Variants in VPS13A observed in about 807,000 individuals in gnomAD.
The protein encoded by VPS13A is vacuolar protein sorting 13 homolog A, also known as intermembrane lipid transfer protein VPS13A.
Under a neutral mutation model 390.9 loss-of-function variants are expected in VPS13A, and 264 were observed. The ratio of observed to expected loss-of-function variants is 0.68; its 90% CI spans 0.61 to 0.75. VPS13A has a LOEUF of 0.75. VPS13A is among the 30% of genes least tolerant of loss of function. The probability of loss-of-function intolerance (pLI) is 0.00; values close to 1 mark genes in which losing one functional copy is unlikely to be tolerated. For missense variants in VPS13A, 3,409 were observed against 3,733.9 expected (o/e 0.91, Z 2.27); for synonymous variants, 1,231 against 1,227.1 (o/e 1.00, Z -0.07).
Position 77,282,231 on chromosome 9 carries a change from C to T in VPS13A, c.3075C>T (p.Ser1025=), listed in dbSNP as rs916979346. The change falls in exon 29 of 72, where the codon TCC becomes TCT. Residue 1025 remains serine, a synonymous_variant. Transcript: ENST00000360280. ...PQSEEKSAPV[S]TTETEDKGDV... is the part of the protein sequence containing the mutation. The stretch of plus-strand genomic sequence containing the variant: ...CAGAGGAAAAATCAGCCCCAGTGTC[C>T]ACTACAGAGACTGAAGACAAAGGAG... 1.2e-5 allele frequency: 20 copies of T among 1,613,310 alleles called. No individual in the cohort carries two copies. The highest frequency in any genetic ancestry group is 2.2e-5 in the South Asian group (2 of 91,056).
chr9:77,214,467 C>T, intron 10 of VPS13A, 81 bp downstream of exon 10: 1 of 1,137,974 alleles, frequency 8.8e-7, no homozygotes, highest in Non-Finnish European at 1.3e-6. Context: ...TATCACTGTG[C>T]TAGTTCCTGT....
intron 2 of VPS13A, among the ~76,000 whole-genome samples, chr9:77,200,252 CA>C (rs1825248595): frequency 6.6e-6 from 1 of 151,908 alleles, no homozygotes; most frequent in South Asian, 2.1e-4. Context: ...TTTGGGAGGT[CA>C]AGGCAGGTGG....
At chr9:77,283,511 A>G (rs1164856428) in intron 30 of VPS13A, 36 bp from the exon 31 acceptor site, 3 of 1,607,970 alleles carry the variant, frequency 1.9e-6, no homozygotes, top group East Asian at 2.2e-5. Flanking sequence ...AAGACATTAA[A>G]TGAAAGAAAA....
Position 77,295,598 on chromosome 9 carries a change from G to T in VPS13A, c.3564G>T (p.Gln1188His), listed in dbSNP as rs745719801. Residue 1188 changes from glutamine (Q) to histidine (H), a missense_variant, in exon 33 of 72, where the codon CAG becomes CAT. Transcript: ENST00000360280. ...AAGCCTTGGCTGAGGCAACTGTTCA[G>T]GCAGCTGGAATGGCTGCTACTGGTG... The part of the protein sequence containing the change: ...AKQALAEATV[Q>H]AAGMAATGVK... 4.3e-6 allele frequency: 7 copies of T among 1,613,480 alleles called. No individual in the cohort carries two copies. The East Asian group carries it at 1.6e-4, about 36-fold the overall frequency.
intron 29 of VPS13A, 65 bp from the exon 30 acceptor site, chr9:77,283,290 A>C (rs1331919451): frequency 1.1e-6 from 1 of 906,494 alleles, no homozygotes; most frequent in Admixed American, 2.0e-5. Flanking sequence ...GTTACTTTAT[A>C]AGTATAGTGA....
rs1238483912 is a variant in VPS13A, at chr9:77,283,362, A to G, written c.3126A>G (p.Lys1042=). Residue 1042 remains lysine (K), a synonymous_variant, in exon 30 of 72, where the codon AAA becomes AAG. Transcript: ENST00000360280. The part of the protein sequence containing the change: ...KGDVIKKLAL[K]LSTNEDIITL... ...ATGAATTTTTTTTTGCAGCTTTAAA[A>G]CTATCCACAAATGAAGATATCATTA... 1.3e-6 allele frequency: 2 copies of G among 1,588,454 alleles called. No individual in the cohort carries two copies. Among genetic ancestry groups the G allele is most frequent in the Non-Finnish European group, 1.7e-6 (2 of 1,158,654 alleles).
chr9:77,411,765 G>GAAAT (rs964900391), intron 71 of VPS13A, among the ~76,000 whole-genome samples: 20 of 150,578 alleles, frequency 1.3e-4, no homozygotes, highest in African/African-American at 4.7e-4. Flanking sequence ...AGAACTGAAG[G>GAAAT]AAATAGACAC....
intron 67 of VPS13A, among the ~76,000 whole-genome samples, chr9:77,375,660 A>G (rs1419728135): frequency 1.3e-5 from 2 of 152,242 alleles, no homozygotes; most frequent in East Asian, 3.8e-4. Flanking sequence ...TCAAATGTAC[A>G]ACAAAGGTGG....
rs114314744 is a variant in VPS13A, at chr9:77,294,911, G to A, written c.3508-631G>A. On this transcript the variant is annotated intron_variant, in intron 32 of 71. Transcript: ENST00000360280. ...TTTTAAGACACGATCTCGCTGTATTGCCCAAACTGGTCTAGAACTACTGGC... is the reference window on the plus strand; with the variant it reads ...TTTTAAGACACGATCTCGCTGTATTACCCAAACTGGTCTAGAACTACTGGC... Among the ~76,000 whole-genome samples the A allele has an allele frequency of 5.8e-3, 878 of 151,688 alleles. 13 individuals are homozygous for A. Among genetic ancestry groups the A allele is most frequent in the African/African-American group, 0.02 (847 of 41,372 alleles).
chr9:77,201,021 T>C (rs1825303905), intron 2 of VPS13A, among the ~76,000 whole-genome samples: 1 of 152,080 alleles, frequency 6.6e-6, no homozygotes. Context: ...CAAAATAGAG[T>C]TTTAATCTCC....
chr9:77,396,566 A>G (rs1834127434), intron 68 of VPS13A, among the ~76,000 whole-genome samples: 1 of 152,192 alleles, frequency 6.6e-6, no homozygotes, highest in Non-Finnish European at 1.5e-5. Flanking sequence ...TTTTGAGGTA[A>G]TAAATTTCTA....
intron 22 of VPS13A, among the ~76,000 whole-genome samples, chr9:77,253,446 CA>C (rs892210316): frequency 3.3e-5 from 5 of 152,088 alleles, no homozygotes; most frequent in Admixed American, 2.6e-4. Context: ...GCTGGGACTA[CA>C]AGCGCATGCC....
intron 68 of VPS13A, among the ~76,000 whole-genome samples, chr9:77,400,992 G>T (rs930918629): frequency 6.6e-6 from 1 of 152,094 alleles, no homozygotes; most frequent in African/African-American, 2.4e-5. Flanking sequence ...GATAATACAT[G>T]TGTTTACCCA....
At chr9:77,367,819 G>A (rs1684480222) in intron 61 of VPS13A, among the ~76,000 whole-genome samples, 1 of 152,148 alleles carries the variant, frequency 6.6e-6, no homozygotes, top group Non-Finnish European at 1.5e-5. Context: ...AAATTTATGT[G>A]TACTGGTGAC....
Position 77,417,558 on chromosome 9 carries a change from A to AG in VPS13A, c.*1553dup, listed in dbSNP as rs987289575. 2.0e-5 allele frequency: 3 copies of AG among 151,766 alleles called. No individual in the cohort carries two copies. The highest frequency in any genetic ancestry group is 4.4e-5 in the Non-Finnish European group (3 of 67,938). The allele number at this position is 151,766 out of a possible 1,614,324, so 9.4% of individuals were successfully genotyped here. ...TGACCTTTGTTTAAAAAAAAAAAAA[A>AG]GTGCTTATTTTCTCTGTCGCTAAGC... On this transcript the variant is annotated 3_prime_UTR_variant, in exon 72 of 72. Transcript: ENST00000360280.
At chr9:77,388,492 A>G (rs904955434) in intron 68 of VPS13A, among the ~76,000 whole-genome samples, 4 of 152,154 alleles carry the variant, frequency 2.6e-5, no homozygotes, top group Admixed American at 1.3e-4. Context: ...TTCCATATCA[A>G]CCGATATATA....
At chr9:77,260,018 T>C in intron 22 of VPS13A, 68 bp from the exon 23 acceptor site, 1 of 1,046,942 alleles carries the variant, frequency 9.6e-7, no homozygotes, top group Middle Eastern at 3.1e-4. Context: ...GAGAACAGTC[T>C]TTTTAATTAG....
chr9:77,282,167 T>C lies in VPS13A; in HGVS notation c.3011T>C (p.Leu1004Pro). The C allele has an allele frequency of 6.2e-7, 1 of 1,613,670 alleles. No homozygotes were observed. The highest frequency in any genetic ancestry group is 8.5e-7 in the Non-Finnish European group (1 of 1,179,706). Residue 1004 changes from leucine (L) to proline (P), a missense_variant, in exon 29 of 72, where the codon CTG (leucine) becomes CCG (proline). By Grantham distance (98) the Leu-to-Pro change is moderately conservative. This residue lies in a region of VPS13A where 2,717 missense variants were observed against 2,917.4 expected (regional missense o/e 0.93). Coordinates refer to ENST00000360280, the MANE Select transcript of VPS13A (RefSeq NM_033305.3). ...LDIHLHTEALLNTINYLHNIL... is the reference protein window; with the variant it reads ...LDIHLHTEALPNTINYLHNIL... ...ATTCATTTACACACTGAAGCACTTC[T>C]GAATACAATAAATTATCTTCATAAT... is the stretch of plus-strand genomic sequence containing the variant.
intron 1 of VPS13A, among the ~76,000 whole-genome samples, chr9:77,182,455 A>C (rs1824081129): frequency 6.6e-6 from 1 of 152,244 alleles, no homozygotes; most frequent in South Asian, 2.1e-4. Context: ...GCTTATTATG[A>C]ATACAGAACC....
Sources: gnomAD v4.1 joint callset for allele counts (sites outside exome capture counted in the v4.1 genomes callset) on GRCh38, gnomAD v4.1.1 for gene constraint, gnomAD v4.1.1 regional missense constraint, MANE v1.5 for transcripts, NCBI Gene and HGNC (gene_info 2026-07-23, HGNC 2026-07-21) for gene names.